LHFPL3: variants seen among roughly 807,000 people sequenced by gnomAD.
LHFPL3 encodes LHFPL tetraspan subfamily member 3, also known as LHFPL tetraspan subfamily member 3 protein.
A neutral mutation model predicts 19.3 loss-of-function variants in LHFPL3; 5 were observed. That is an observed-to-expected ratio of 0.26 (90% CI 0.14 to 0.54). The LOEUF (loss-of-function observed/expected upper bound fraction) is 0.54. Ranked by LOEUF, LHFPL3 falls within the 20% of genes least tolerant of loss-of-function variation. The pLI is 0.94. For missense variants in LHFPL3, 249 were observed against 307.4 expected, an observed-to-expected ratio of 0.81 and a Z score of 1.42; for synonymous variants, 133 against 126.2, an observed-to-expected ratio of 1.05 and a Z score of -0.36.
intron 2 of LHFPL3, among the ~76,000 whole-genome samples, chr7:104,859,719 CAG>C (rs1266260162): frequency 1.3e-5 from 2 of 152,056 alleles, no homozygotes; most frequent in East Asian, 3.8e-4. Flanking sequence ...AGGGAGACCA[CAG>C]AGGATTTTTA....
At chr7:104,786,855 T>G (rs1789926777) in intron 2 of LHFPL3, among the ~76,000 whole-genome samples, 1 of 152,200 alleles carries the variant, frequency 6.6e-6, no homozygotes, top group South Asian at 2.1e-4. Flanking sequence ...GCAATTTCAT[T>G]ACTAAAAAAT....
intron 2 of LHFPL3, among the ~76,000 whole-genome samples, chr7:104,902,585 G>A (rs548686581): frequency 3.3e-4 from 50 of 151,876 alleles, no homozygotes; most frequent in Non-Finnish European, 6.0e-4. Flanking sequence ...TCAGGAGTTC[G>A]AGACCAGCCT....
chr7:104,332,575 C>T (rs1801591019), intron 1 of LHFPL3, among the ~76,000 whole-genome samples: 1 of 152,036 alleles, frequency 6.6e-6, no homozygotes, highest in South Asian at 2.1e-4. Flanking sequence ...AAACAGACTT[C>T]TTATGATATT....
intron 1 of LHFPL3, chr7:104,668,255 C>A: frequency 1.9e-6 from 3 of 1,611,610 alleles, no homozygotes; most frequent in South Asian, 1.1e-5. Context: ...TTCGAGTGGA[C>A]GTTGCTGATC....
intron 1 of LHFPL3, among the ~76,000 whole-genome samples, chr7:104,573,469 G>A (rs898882579): frequency 2.6e-5 from 4 of 151,940 alleles, no homozygotes; most frequent in Non-Finnish European, 5.9e-5. Flanking sequence ...CAATGCACAG[G>A]TAGTGATTGG....
At chr7:104,339,883 T>A (rs1388544726) in intron 1 of LHFPL3, among the ~76,000 whole-genome samples, 1 of 152,206 alleles carries the variant, frequency 6.6e-6, no homozygotes, top group Non-Finnish European at 1.5e-5. Context: ...ACATCCACAT[T>A]ACTGGCTCTA....
At chr7:104,428,976 CTAAAT>C (rs1227712750) in intron 1 of LHFPL3, among the ~76,000 whole-genome samples, 1 of 152,098 alleles carries the variant, frequency 6.6e-6, no homozygotes, top group African/African-American at 2.4e-5. Flanking sequence ...AGCAAACCAG[CTAAAT>C]CCACCCTGAA....
At chr7:104,631,015 T>A (rs200170561) in intron 1 of LHFPL3, among the ~76,000 whole-genome samples, 2 of 152,258 alleles carry the variant, frequency 1.3e-5, no homozygotes, top group East Asian at 3.9e-4. Context: ...GCTAGAAATC[T>A]GCCTTTCAGA....
intron 2 of LHFPL3, among the ~76,000 whole-genome samples, chr7:104,842,437 T>C (rs1367195420): frequency 6.6e-6 from 1 of 152,052 alleles, no homozygotes; most frequent in African/African-American, 2.4e-5. Flanking sequence ...GAGACTGCCA[T>C]TGAACACTTG....
intron 1 of LHFPL3, among the ~76,000 whole-genome samples, chr7:104,630,291 A>G (rs140196185): frequency 2.0e-5 from 3 of 152,176 alleles, no homozygotes; most frequent in African/African-American, 4.8e-5. Context: ...GAGATTTTTC[A>G]AAGAACTTGA....
intron 2 of LHFPL3, among the ~76,000 whole-genome samples, chr7:104,848,418 C>T (rs1274988312): frequency 6.6e-6 from 1 of 152,104 alleles, no homozygotes; most frequent in Admixed American, 6.6e-5. Context: ...TTGGTCTTCC[C>T]GCTGATGATG....
In LHFPL3 at chr7:104,873,605, G is replaced by A. The variant is rs569460695; in HGVS notation, c.683-32582G>A. On this transcript the variant is annotated intron_variant, in intron 2 of 2. Transcript: ENST00000424859. ...ATCACGTCGCTGCACTCCAGCCTGGGTAACAGAGAAAGATTCTGTCTCTAA... is the reference window on the plus strand; with the variant it reads ...ATCACGTCGCTGCACTCCAGCCTGGATAACAGAGAAAGATTCTGTCTCTAA... Among the ~76,000 whole-genome samples the A allele has an allele frequency of 1.8e-3, 269 of 152,244 alleles. 2 individuals carry two copies. Among genetic ancestry groups the A allele is most frequent in the African/African-American group, 5.9e-3 (246 of 41,542 alleles).
chr7:104,552,581 C>G (rs1412404057), intron 1 of LHFPL3, among the ~76,000 whole-genome samples: 1 of 152,130 alleles, frequency 6.6e-6, no homozygotes, highest in Non-Finnish European at 1.5e-5. Context: ...TTGGGAATCA[C>G]CATTGCTTTT....
At chr7:104,607,716 C>T (rs1216059859) in intron 1 of LHFPL3, among the ~76,000 whole-genome samples, 1 of 152,116 alleles carries the variant, frequency 6.6e-6, no homozygotes, top group Non-Finnish European at 1.5e-5. Context: ...AGGCAACCTA[C>T]AAAATGGGAG....
At chr7:104,387,152 A>G (rs1047186773) in intron 1 of LHFPL3, among the ~76,000 whole-genome samples, 18 of 152,218 alleles carry the variant, frequency 1.2e-4, no homozygotes, top group African/African-American at 4.1e-4. Flanking sequence ...GTCTCAGCAA[A>G]TAGAGGACAG....
At chr7:104,751,255 T>C (rs181301893) in intron 2 of LHFPL3, among the ~76,000 whole-genome samples, 9 of 139,280 alleles carry the variant, frequency 6.5e-5, no homozygotes, top group Admixed American at 2.3e-4. Flanking sequence ...TCAACTCCAC[T>C]GTGACCTTAC....
At chr7:104,662,658 G>A (rs1255659742) in intron 1 of LHFPL3, among the ~76,000 whole-genome samples, 1 of 152,154 alleles carries the variant, frequency 6.6e-6, no homozygotes, top group Admixed American at 6.5e-5. Context: ...AATAATGAAT[G>A]AATATTCAAC....
intron 2 of LHFPL3, among the ~76,000 whole-genome samples, chr7:104,857,298 T>A (rs1486163865): frequency 3.3e-5 from 5 of 152,176 alleles, no homozygotes; most frequent in Non-Finnish European, 5.9e-5. Flanking sequence ...AATGCAAATA[T>A]AATATCACAA....
intron 2 of LHFPL3, among the ~76,000 whole-genome samples, chr7:104,752,018 C>T (rs893294999): frequency 1.5e-4 from 23 of 151,974 alleles, no homozygotes; most frequent in Non-Finnish European, 3.1e-4. Context: ...TGGGGGTGGC[C>T]GATACTGAAG....
Sources: allele counts gnomAD v4.1 joint callset (sites outside exome capture counted in the v4.1 genomes callset), GRCh38; gene constraint gnomAD v4.1.1; transcripts MANE v1.5; gene names NCBI Gene and HGNC (gene_info 2026-07-23, HGNC 2026-07-21).